CACNA2D1: variants seen among roughly 807,000 people sequenced by gnomAD.
CACNA2D1 encodes the protein voltage-dependent calcium channel subunit alpha-2/delta-1.
CACNA2D1 carries 53 observed loss-of-function variants against 171.5 expected under a neutral mutation model. The ratio of observed to expected loss-of-function variants is 0.31; its 90% CI spans 0.25 to 0.39. CACNA2D1 has a LOEUF of 0.39. CACNA2D1 is among the 10% of genes least tolerant of loss of function. The probability of loss-of-function intolerance (pLI) is 1.00; values close to 1 mark genes in which losing one functional copy is unlikely to be tolerated. For missense variants in CACNA2D1, 903 were observed against 1,299.8 expected (o/e 0.69, Z 4.69); for synonymous variants, 442 against 443.1 (o/e 1.00, Z 0.03).
intron 1 of CACNA2D1, among the ~76,000 whole-genome samples, chr7:82,355,359 A>G (rs1256712344): frequency 6.6e-6 from 1 of 152,118 alleles, no homozygotes; most frequent in Admixed American, 6.6e-5. Context: ...AATACACAGA[A>G]TTTTTCAAAT....
At chr7:82,050,159 T>C (rs1191020084) in intron 10 of CACNA2D1, among the ~76,000 whole-genome samples, 2 of 152,200 alleles carry the variant, frequency 1.3e-5, no homozygotes, top group Non-Finnish European at 1.5e-5. Flanking sequence ...ATTGAAATCA[T>C]CTCTTACTTG....
chr7:82,290,608 T>A (rs998450448), intron 3 of CACNA2D1, among the ~76,000 whole-genome samples: 1 of 151,498 alleles, frequency 6.6e-6, no homozygotes, highest in Non-Finnish European at 1.5e-5. Flanking sequence ...ATGAATTTTT[T>A]TTTTTGAGAG....
intron 3 of CACNA2D1, among the ~76,000 whole-genome samples, chr7:82,278,907 T>G (rs1809715886): frequency 6.6e-6 from 1 of 152,182 alleles, no homozygotes; most frequent in East Asian, 1.9e-4. Flanking sequence ...TGTTGAAATG[T>G]CAACAGAACA....
intron 3 of CACNA2D1, among the ~76,000 whole-genome samples, chr7:82,317,838 T>G (rs963350532): frequency 6.6e-6 from 1 of 151,950 alleles, no homozygotes; most frequent in African/African-American, 2.4e-5. Context: ...AAACAGTTAT[T>G]TGGGGAAAAA....
intron 18 of CACNA2D1, among the ~76,000 whole-genome samples, chr7:81,997,617 T>C (rs1798177896): frequency 1.3e-5 from 2 of 151,354 alleles, no homozygotes; most frequent in African/African-American, 2.4e-5. Context: ...GGATGACTTA[T>C]TTGGTAATAA....
At chr7:82,055,598 T>C (rs1358872992) in intron 10 of CACNA2D1, among the ~76,000 whole-genome samples, 1 of 150,976 alleles carries the variant, frequency 6.6e-6, no homozygotes, top group East Asian at 2.0e-4. Context: ...AAATGATGAG[T>C]TCATGTCCTT....
intron 6 of CACNA2D1, among the ~76,000 whole-genome samples, chr7:82,114,532 C>T (rs1009055592): frequency 6.6e-6 from 1 of 152,066 alleles, no homozygotes; most frequent in African/African-American, 2.4e-5. Context: ...ATCACGAGGT[C>T]AGGAGTTTGA....
At chr7:82,185,151 A>G in intron 3 of CACNA2D1, among the ~76,000 whole-genome samples, 1 of 152,136 alleles carries the variant, frequency 6.6e-6, no homozygotes, top group Non-Finnish European at 1.5e-5. Flanking sequence ...TACATACAGT[A>G]GAGCATACCT....
At chr7:82,405,043 T>G (rs1826865568) in intron 1 of CACNA2D1, among the ~76,000 whole-genome samples, 1 of 152,222 alleles carries the variant, frequency 6.6e-6, no homozygotes, top group Non-Finnish European at 1.5e-5. Context: ...ACTTTTTTGG[T>G]ACTATGATAA....
chr7:82,188,105 T>G (rs958653769), intron 3 of CACNA2D1, among the ~76,000 whole-genome samples: 1 of 152,170 alleles, frequency 6.6e-6, no homozygotes, highest in Admixed American at 6.6e-5. Context: ...TAATCACATT[T>G]GTGAAGGCTC....
intron 4 of CACNA2D1, among the ~76,000 whole-genome samples, chr7:82,155,470 A>G (rs1794286133): frequency 6.6e-6 from 1 of 152,144 alleles, no homozygotes; most frequent in African/African-American, 2.4e-5. Flanking sequence ...TTACATTTTC[A>G]TTTACTAATA....
intron 3 of CACNA2D1, among the ~76,000 whole-genome samples, chr7:82,273,189 G>A (rs2129354251): frequency 6.6e-6 from 1 of 152,108 alleles, no homozygotes; most frequent in African/African-American, 2.4e-5. Context: ...ATCATAAACT[G>A]CTAAACAATT....
intron 6 of CACNA2D1, among the ~76,000 whole-genome samples, chr7:82,091,401 A>G (rs958555654): frequency 6.6e-6 from 1 of 152,188 alleles, no homozygotes; most frequent in African/African-American, 2.4e-5. Context: ...TAGCCCCTGT[A>G]TTACTGAGAT....
chr7:82,173,717 A>G (rs1796272885), intron 3 of CACNA2D1, among the ~76,000 whole-genome samples: 1 of 151,994 alleles, frequency 6.6e-6, no homozygotes, highest in Admixed American at 6.6e-5. Flanking sequence ...AAAGCTAATG[A>G]GCTACCATTA....
At chr7:82,321,701 C>A (rs989724258) in intron 3 of CACNA2D1, among the ~76,000 whole-genome samples, 18 of 152,280 alleles carry the variant, frequency 1.2e-4, no homozygotes, top group African/African-American at 4.1e-4. Flanking sequence ...CAACGCCCCC[C>A]ATGCACATAC....
intron 15 of CACNA2D1, among the ~76,000 whole-genome samples, chr7:82,008,478 C>T (rs1267170239): frequency 1.3e-5 from 2 of 152,076 alleles, no homozygotes; most frequent in South Asian, 2.1e-4. Context: ...TAATTTAATA[C>T]ATTAAATGAA....
chr7:82,182,568 T>C (rs540948015), intron 3 of CACNA2D1, among the ~76,000 whole-genome samples: 12 of 152,000 alleles, frequency 7.9e-5, no homozygotes, highest in African/African-American at 2.4e-4. Context: ...CTGCGTTTTT[T>C]TTTTAATTTT....
chr7:82,108,251 C>T (rs906011842), intron 6 of CACNA2D1, among the ~76,000 whole-genome samples: 1 of 151,986 alleles, frequency 6.6e-6, no homozygotes, highest in Admixed American at 6.6e-5. Context: ...TTTATTTATT[C>T]CTAGCAGAAT....
chr7:82,325,106 T>A (rs939793449), intron 3 of CACNA2D1, among the ~76,000 whole-genome samples: 1 of 152,212 alleles, frequency 6.6e-6, no homozygotes, highest in Admixed American at 6.5e-5. Context: ...GATGTTCTAC[T>A]AACTGTAATG....
Sources: allele counts gnomAD v4.1 joint callset (sites outside exome capture counted in the v4.1 genomes callset), GRCh38; gene constraint gnomAD v4.1.1; transcripts MANE v1.5; gene names NCBI Gene and HGNC (gene_info 2026-07-23, HGNC 2026-07-21).